The following ADCY5 variants were observed in gnomAD, a reference collection of about 807,000 sequenced individuals.
The protein encoded by ADCY5 is adenylate cyclase 5, also known as adenylate cyclase type 5.
ADCY5 carries 30 observed loss-of-function variants against 119.7 expected under a neutral mutation model. The ratio of observed to expected loss-of-function variants is 0.25; its 90% CI spans 0.19 to 0.34. ADCY5 has a LOEUF of 0.34. Among genes scored for constraint, ADCY5 ranks in the 10% least tolerant of loss-of-function variants. ADCY5 has a pLI of 1.00. For synonymous variants in ADCY5, 753 were observed against 762.2 expected (o/e 0.99, Z 0.20); for missense variants, 1,324 against 1,775.2 (o/e 0.75, Z 4.57).
rs769892406 is a variant in ADCY5, at chr3:123,289,939, G to A, written c.3343C>T (p.Arg1115Trp). ...TTGATCTTCTCCAGCTGCCGGAACCGATCCTCGCTGATGATCTGGATGAAG... is the reference window on the plus strand; with the variant it reads ...TTGATCTTCTCCAGCTGCCGGAACCAATCCTCGCTGATGATCTGGATGAAG... Reference protein sequence around the residue: ...ADFDEIISEDRFRQLEKIKTI... With the variant: ...ADFDEIISEDWFRQLEKIKTI... The change falls in exon 19 of 21, where the codon CGG (arginine) becomes TGG (tryptophan). Residue 1115 changes from arginine (R) to tryptophan (W), a missense_variant. Around this residue, in one of 6 missense-constraint regions of ADCY5, gnomAD observed 178 missense variants for 329.6 expected, o/e 0.54. Coordinates refer to ENST00000462833, the MANE Select transcript of ADCY5 (RefSeq NM_183357.3). The A allele has an allele frequency of 1.7e-5, 27 of 1,614,118 alleles. No individual in the cohort carries two copies. The highest frequency in any genetic ancestry group is 4.5e-5 in the East Asian group (2 of 44,866).
Position 123,345,759 on chromosome 3 carries a change from CAGACAG to C in ADCY5, c.1406+2017_1406+2022del, listed in dbSNP as rs1436954526. On this transcript the variant is annotated intron_variant, in intron 3 of 20. Coordinates refer to ENST00000462833, the MANE Select transcript of ADCY5 (RefSeq NM_183357.3). ...AGAGACAGACAGACAGACAGACAGA[CAGACAG>C]ACAGACACACACACACACACACACA... Among the ~76,000 whole-genome samples, 216 of 121,100 alleles carry C rather than the reference CAGACAG, an allele frequency of 1.8e-3. 1 individual carries two copies. The highest frequency in any genetic ancestry group is 0.01 in the East Asian group (47 of 4,586). The allele number at this position is 121,100 out of a possible 152,430, so 79.4% of individuals were successfully genotyped here.
At position 123,327,634 on chromosome 3, in the gene ADCY5, C is replaced by G; in HGVS notation, c.1931G>C (p.Arg644Pro). The change falls in exon 7 of 21, where the codon CGC becomes CCC. Residue 644 changes from arginine to proline, a missense_variant. Arg to Pro is a moderately radical substitution (Grantham distance 103). This residue lies in a region of ADCY5 where 424 missense variants were observed against 546.8 expected (regional missense o/e 0.78). Transcript: ENST00000462833. ...CCCACAGACCCGCTTCTGGGTGCAGCGCAGGATGAGGAAGGTCTCGATACT... is the reference window on the plus strand; with the variant it reads ...CCCACAGACCCGCTTCTGGGTGCAGGGCAGGATGAGGAAGGTCTCGATACT... ...EHSIETFLIL[R>P]CTQKRKEEKA... 1 of 1,613,930 alleles carries G rather than the reference C, an allele frequency of 6.2e-7. No homozygotes were observed. Among genetic ancestry groups the G allele is most frequent in the Non-Finnish European group, 8.5e-7 (1 of 1,179,976 alleles).
At chr3:123,356,791 T>C (rs756588944) in intron 1 of ADCY5, among the ~76,000 whole-genome samples, 9 of 152,168 alleles carry the variant, frequency 5.9e-5, no homozygotes, top group Non-Finnish European at 1.2e-4. Context: ...AGTTCAGCAA[T>C]TTCTCATCAA....
intron 17 of ADCY5, among the ~76,000 whole-genome samples, chr3:123,294,878 A>G (rs996509283): frequency 1.3e-5 from 2 of 152,214 alleles, no homozygotes; most frequent in African/African-American, 4.8e-5. Context: ...GGTGGGTGAT[A>G]GAGCAAATGC....
intron 2 of ADCY5, 118 bp from the exon 3 acceptor site, chr3:123,348,021 G>C: frequency 3.1e-6 from 4 of 1,271,624 alleles, no homozygotes; most frequent in Non-Finnish European, 4.5e-6. Flanking sequence ...GCTCTCCCGG[G>C]ACTCCTGGGT....
intron 1 of ADCY5, chr3:123,419,039 T>G (rs1218802785): frequency 3.2e-6 from 2 of 628,030 alleles, no homozygotes; most frequent in Non-Finnish European, 4.0e-6. Context: ...AGCTCATGGG[T>G]CTTCTCAGTC....
chr3:123,418,590 C>T (rs892804850), intron 1 of ADCY5, among the ~76,000 whole-genome samples: 2 of 152,142 alleles, frequency 1.3e-5, no homozygotes, highest in Non-Finnish European at 2.9e-5. Flanking sequence ...CTCCCAGGAA[C>T]GAATCCAGCC....
At chr3:123,297,195 T>C in intron 16 of ADCY5, 158 bp downstream of exon 16, 3 of 1,354,940 alleles carry the variant, frequency 2.2e-6, no homozygotes, top group Non-Finnish European at 3.1e-6. Flanking sequence ...CGAGGACGCC[T>C]TGCTACCCCA....
chr3:123,308,363 T>C (rs1308784369), intron 12 of ADCY5, among the ~76,000 whole-genome samples: 4 of 152,068 alleles, frequency 2.6e-5, no homozygotes, highest in African/African-American at 9.7e-5. Flanking sequence ...AAAAAGACTT[T>C]CTCTTGACTT....
At chr3:123,383,001 C>T (rs914579756) in intron 1 of ADCY5, among the ~76,000 whole-genome samples, 2 of 152,276 alleles carry the variant, frequency 1.3e-5, no homozygotes, top group South Asian at 2.1e-4. Flanking sequence ...CCCTGCACTC[C>T]TTCCAGGCCC....
intron 1 of ADCY5, chr3:123,418,991 C>T (rs770934221): frequency 2.5e-4 from 69 of 272,728 alleles, no homozygotes; most frequent in African/African-American, 1.1e-3. Flanking sequence ...ACTGAAACCA[C>T]GTCACTGGCT....
chr3:123,436,993 CCT>C (rs1273158982), intron 1 of ADCY5, among the ~76,000 whole-genome samples: 2 of 152,060 alleles, frequency 1.3e-5, no homozygotes, highest in African/African-American at 4.8e-5. Flanking sequence ...AGAAAAAGCC[CCT>C]GAGACAAGGA....
chr3:123,419,612 C>T (rs1945258857), intron 1 of ADCY5, among the ~76,000 whole-genome samples: 1 of 152,208 alleles, frequency 6.6e-6, no homozygotes, highest in Admixed American at 6.5e-5. Context: ...GCCTCAACTC[C>T]TGCCTGCTCC....
At chr3:123,445,087 T>C (rs755192766) in intron 1 of ADCY5, among the ~76,000 whole-genome samples, 1 of 152,232 alleles carries the variant, frequency 6.6e-6, no homozygotes, top group African/African-American at 2.4e-5. Context: ...AATGTTTGCA[T>C]TCCCTTGTCT....
In ADCY5 at chr3:123,296,157, A is replaced by G. The variant is rs1246101740; in HGVS notation, c.2990T>C (p.Phe997Ser). 6.2e-7 allele frequency: 1 copy of G among 1,613,794 alleles called. No homozygotes were observed. The highest frequency in any genetic ancestry group is 1.3e-5 in the African/African-American group (1 of 74,866). Residue 997 changes from phenylalanine to serine, a missense_variant, in exon 17 of 21, where the codon TTT becomes TCT. This residue lies in a region of ADCY5 where 14 missense variants were observed against 24.4 expected (regional missense o/e 0.57). Transcript: ENST00000462833. Reference protein sequence around the residue: ...KVVTPIIISVFVLALYLHAQQ... With the variant: ...KVVTPIIISVSVLALYLHAQQ... Reference sequence around the variant, plus strand: ...GGCGTGCAGGTACAGGGCCAGCACAAAGACTGAGATGATGATGGGCGTCAC... The same window carrying G: ...GGCGTGCAGGTACAGGGCCAGCACAGAGACTGAGATGATGATGGGCGTCAC...
At chr3:123,364,858 T>C (rs1267534809) in intron 1 of ADCY5, among the ~76,000 whole-genome samples, 1 of 152,168 alleles carries the variant, frequency 6.6e-6, no homozygotes, top group Non-Finnish European at 1.5e-5. Flanking sequence ...TAAAAAAATC[T>C]ACTTACGGCT....
At position 123,327,636 on chromosome 3, in the gene ADCY5, C is replaced by T; in HGVS notation, c.1929G>A (p.Leu643=). 6.2e-7 allele frequency: 1 copy of T among 1,614,036 alleles called. No individual in the cohort carries two copies. The highest frequency in any genetic ancestry group is 8.5e-7 in the Non-Finnish European group (1 of 1,179,996). Residue 643 remains leucine, a synonymous_variant, in exon 7 of 21, where the codon CTG becomes CTA. Coordinates refer to ENST00000462833, the MANE Select transcript of ADCY5 (RefSeq NM_183357.3). ...KEHSIETFLI[L]RCTQKRKEEK... ...CACAGACCCGCTTCTGGGTGCAGCG[C>T]AGGATGAGGAAGGTCTCGATACTGT...
At chr3:123,439,075 G>GGTTTTTTTTTTTTTTTT (rs1553750271) in intron 1 of ADCY5, among the ~76,000 whole-genome samples, 1 of 2,794 alleles carries the variant, frequency 3.6e-4, no homozygotes, top group Non-Finnish European at 1.2e-3. Context: ...ACCCTAAAGT[G>GGTTTTTTTTTTTTTTTT]CTTTTTTTTT....
intron 12 of ADCY5, among the ~76,000 whole-genome samples, chr3:123,309,049 A>C (rs1379486044): frequency 6.6e-6 from 1 of 152,184 alleles, no homozygotes; most frequent in African/African-American, 2.4e-5. Flanking sequence ...CAATCTGATT[A>C]ATTCAAATCA....
Sources: allele counts gnomAD v4.1 joint callset (sites outside exome capture counted in the v4.1 genomes callset), GRCh38; gene constraint gnomAD v4.1.1; regional missense constraint gnomAD v4.1.1; transcripts MANE v1.5; gene names NCBI Gene and HGNC (gene_info 2026-07-23, HGNC 2026-07-21).